Variants in RPS6KB1 observed in about 807,000 individuals in gnomAD.
RPS6KB1 encodes the protein ribosomal protein S6 kinase B1.
In RPS6KB1, 12 loss-of-function variants were observed where a neutral mutation model predicts 70.2. The observed-to-expected ratio is 0.17, with a 90% CI of 0.11 to 0.28. The LOEUF (loss-of-function observed/expected upper bound fraction) is 0.28, where lower values mean the gene tolerates loss of function less well. RPS6KB1 is among the 10% of genes least tolerant of loss of function. RPS6KB1 has a pLI of 1.00. For synonymous variants in RPS6KB1, 175 were observed against 211.2 expected, an observed-to-expected ratio of 0.83 and a Z score of 1.49; for missense variants, 270 against 646.6, an observed-to-expected ratio of 0.42 and a Z score of 6.32.
intron 12 of RPS6KB1, among the ~76,000 whole-genome samples, chr17:59,938,743 GTT>G (rs5821284): frequency 1.3e-4 from 19 of 141,552 alleles, no homozygotes; most frequent in South Asian, 2.3e-4. Flanking sequence ...GTGTGTGTGT[GTT>G]TAAGTGATGT....
intron 4 of RPS6KB1, among the ~76,000 whole-genome samples, chr17:59,923,768 A>G (rs1478122493): frequency 6.6e-6 from 1 of 151,844 alleles, no homozygotes; most frequent in Non-Finnish European, 1.5e-5. Context: ...TCGGCCTCCC[A>G]AAGTGCTGGA....
In RPS6KB1 at chr17:59,934,819, T is replaced by C; in HGVS notation, c.870+295T>C. ...AGCATAAAATCACATAGCTCACTTA[T>C]CACACAGAAAGTTAATGGTGGAAAC... On this transcript the variant is annotated intron_variant, in intron 9 of 14. Transcript: ENST00000225577. This position sits in a 1 kb window ranked among gnomAD's most constrained non-coding sequence, Gnocchi z 4.8. 2.5e-6 allele frequency: 1 copy of C among 401,012 alleles called. No individual in the cohort carries two copies. The highest frequency in any genetic ancestry group is 3.7e-5 in the South Asian group (1 of 27,270). 24.8% of individuals were successfully genotyped at this position (401,012 alleles called of 1,614,324 possible).
At chr17:59,922,652 C>T (rs1301843317) in intron 4 of RPS6KB1, among the ~76,000 whole-genome samples, 2 of 147,344 alleles carry the variant, frequency 1.4e-5, no homozygotes, top group East Asian at 4.1e-4. Context: ...TCAAACTATC[C>T]TCCTGCCTCA....
At chr17:59,924,103 G>A (rs1387830928) in intron 4 of RPS6KB1, among the ~76,000 whole-genome samples, 3 of 152,114 alleles carry the variant, frequency 2.0e-5, no homozygotes, top group Non-Finnish European at 4.4e-5. Flanking sequence ...GGAGGCCAAG[G>A]CGGGCGGATC....
rs115407514 is a variant in RPS6KB1, at chr17:59,910,739, G to A, written c.191+128G>A. On this transcript the variant is annotated intron_variant, in intron 2 of 14. Transcript: ENST00000225577. Reference sequence around the variant, plus strand: ...AATATGTAGTCATATTTATCAACTCGATGTATTGAATTTGGCACCAAAATC... The same window carrying A: ...AATATGTAGTCATATTTATCAACTCAATGTATTGAATTTGGCACCAAAATC... The A allele has an allele frequency of 9.7e-4, 610 of 628,514 alleles. 1 individual carries two copies. Among genetic ancestry groups the A allele is most frequent in the African/African-American group, 9.3e-3 (486 of 52,540 alleles). 38.9% of individuals were successfully genotyped at this position (628,514 alleles called of 1,614,324 possible).
intron 1 of RPS6KB1, among the ~76,000 whole-genome samples, chr17:59,902,522 A>T (rs62081834): frequency 1.8e-3 from 269 of 150,090 alleles, no homozygotes; most frequent in Admixed American, 4.0e-3. Context: ...GTTGATGTTC[A>T]TTTGAGTTAT....
At chr17:59,920,734 C>T (rs910696684) in intron 4 of RPS6KB1, among the ~76,000 whole-genome samples, 1 of 152,164 alleles carries the variant, frequency 6.6e-6, no homozygotes, top group Non-Finnish European at 1.5e-5. Flanking sequence ...AGTCTCACTA[C>T]ATCACCCAGG....
intron 4 of RPS6KB1, among the ~76,000 whole-genome samples, chr17:59,921,001 G>A (rs2043236044): frequency 6.6e-6 from 1 of 152,156 alleles, no homozygotes; most frequent in Admixed American, 6.6e-5. Flanking sequence ...CCCAGCCTCT[G>A]GTCAAGATTC....
intron 1 of RPS6KB1, among the ~76,000 whole-genome samples, chr17:59,894,357 A>G (rs1598611885): frequency 6.6e-6 from 1 of 152,220 alleles, no homozygotes; most frequent in East Asian, 1.9e-4. Flanking sequence ...ATCCTGGACC[A>G]AATGATCATC....
rs2044142408 is a variant in RPS6KB1, at chr17:59,934,881, C to T, written c.871-312C>T. ...TCCAGGACACTGCTACTTCCTCTGT[C>T]CTGTTGCTTAAAAACTGCACGTCTG... On this transcript the variant is annotated intron_variant, in intron 9 of 14. Transcript: ENST00000225577. This position sits in a 1 kb window ranked among gnomAD's most constrained non-coding sequence, Gnocchi z 4.8. 2.7e-6 allele frequency: 1 copy of T among 367,856 alleles called. No individual in the cohort carries two copies. The highest frequency in any genetic ancestry group is 4.4e-5 in the Admixed American group (1 of 22,722). The allele number at this position is 367,856 out of a possible 1,614,324, so 22.8% of individuals were successfully genotyped here. A position where few individuals can be genotyped will look rare whatever the true frequency, so the allele number is the denominator to read the frequency against.
intron 12 of RPS6KB1, among the ~76,000 whole-genome samples, chr17:59,939,487 C>T (rs529139133): frequency 3.9e-5 from 6 of 152,080 alleles, no homozygotes; most frequent in African/African-American, 1.4e-4. Context: ...GCCGTGTTCA[C>T]CAGGCTGGTC....
At chr17:59,940,495 C>A (rs529086673) in intron 12 of RPS6KB1, among the ~76,000 whole-genome samples, 39 of 151,972 alleles carry the variant, frequency 2.6e-4, no homozygotes, top group African/African-American at 9.4e-4. Flanking sequence ...ACTATTTTGG[C>A]CAGGCTGGTC....
At chr17:59,900,540 A>G (rs1054001908) in intron 1 of RPS6KB1, among the ~76,000 whole-genome samples, 8 of 151,924 alleles carry the variant, frequency 5.3e-5, no homozygotes, top group South Asian at 4.2e-4. Flanking sequence ...TAATTTTTGT[A>G]TTTTTAGTAG....
Position 59,945,230 on chromosome 17 carries a change from C to T in RPS6KB1, c.1228-176C>T, listed in dbSNP as rs138389445. ...CTGCTTTCTTGAAGTGTGTGCCTCACGAAATGGCTGGAAAGAAGTTAACGG... is the reference window on the plus strand; with the variant it reads ...CTGCTTTCTTGAAGTGTGTGCCTCATGAAATGGCTGGAAAGAAGTTAACGG... On this transcript the variant is annotated intron_variant, in intron 13 of 14. Coordinates refer to ENST00000225577, the MANE Select transcript of RPS6KB1 (RefSeq NM_003161.4). 5.3e-3 allele frequency: 2,503 copies of T among 474,928 alleles called. 6 individuals are homozygous for T. The highest frequency in any genetic ancestry group is 8.1e-3 in the Non-Finnish European group (2,127 of 262,072). 29.4% of individuals were successfully genotyped at this position (474,928 alleles called of 1,614,324 possible).
Position 59,914,609 on chromosome 17 carries a change from A to G in RPS6KB1, c.313-26A>G, listed in dbSNP as rs371236301. The G allele has an allele frequency of 3.1e-6, 5 of 1,593,276 alleles. No homozygotes were observed. In the African/African-American group the frequency reaches 6.7e-5, roughly 21 times the overall value. On this transcript the variant is annotated intron_variant, in intron 3 of 14. Coordinates refer to ENST00000225577, the MANE Select transcript of RPS6KB1 (RefSeq NM_003161.4). ...TATGCCTGACATAGTTTGCCTTTGA[A>G]TAACACACACTTTTTTTTAATCCAG... is the stretch of plus-strand genomic sequence containing the variant.
intron 2 of RPS6KB1, 106 bp from the exon 3 acceptor site, chr17:59,912,578 C>A: frequency 8.4e-7 from 1 of 1,193,260 alleles, no homozygotes; most frequent in Non-Finnish European, 1.2e-6. Flanking sequence ...TACTTTTTTA[C>A]TTTTACTTAC....
chr17:59,904,267 G>A (rs1002372044), intron 1 of RPS6KB1, among the ~76,000 whole-genome samples: 1 of 150,388 alleles, frequency 6.6e-6, no homozygotes, highest in African/African-American at 2.4e-5. Context: ...TTTTAGTAGA[G>A]ACAGGGTTTC....
intron 4 of RPS6KB1, among the ~76,000 whole-genome samples, chr17:59,919,232 A>T (rs983357533): frequency 6.6e-6 from 1 of 152,120 alleles, no homozygotes; most frequent in Non-Finnish European, 1.5e-5. Flanking sequence ...TTCAAATAAT[A>T]GTGTCTGTAG....
rs560202887 is a variant in RPS6KB1, at chr17:59,943,143, T to G, written c.1227+2200T>G. Among the ~76,000 whole-genome samples the G allele has an allele frequency of 7.9e-5, 12 of 152,312 alleles. No individual in the cohort carries two copies. In the South Asian group the frequency reaches 2.5e-3, roughly 32 times the overall value. On this transcript the variant is annotated intron_variant, in intron 13 of 14. Transcript: ENST00000225577. ...TAGTCTTACAGTATTACATAAGAGA[T>G]AAAAGATGAGTGAGTGCATGCATGT...
Sources: gnomAD v4.1 joint callset for allele counts (sites outside exome capture counted in the v4.1 genomes callset) on GRCh38, gnomAD v4.1.1 for gene constraint, Gnocchi (gnomAD v3.1) non-coding constraint, MANE v1.5 for transcripts, NCBI Gene and HGNC (gene_info 2026-07-23, HGNC 2026-07-21) for gene names.